The following MAGI2 variants were observed in gnomAD, a reference collection of about 807,000 sequenced individuals.
MAGI2 encodes the protein membrane-associated guanylate kinase, WW and PDZ domain-containing protein 2.
A neutral mutation model predicts 133.3 loss-of-function variants in MAGI2; 35 were observed. The ratio of observed to expected loss-of-function variants is 0.26; its 90% confidence interval spans 0.20 to 0.35. The LOEUF is 0.35. Ranked by LOEUF, MAGI2 falls within the 10% of genes least tolerant of loss-of-function variation. The pLI is 1.00. For synonymous variants in MAGI2, 729 were observed against 710.6 expected, an observed-to-expected ratio of 1.03 and a Z score of -0.41; for missense variants, 1,636 against 1,863.4, an observed-to-expected ratio of 0.88 and a Z score of 2.25.
chr7:78,084,929 G>A (rs1370804822), intron 20 of MAGI2, among the ~76,000 whole-genome samples: 2 of 152,206 alleles, frequency 1.3e-5, no homozygotes, highest in Middle Eastern at 3.4e-3. Flanking sequence ...TTTTCAAGGG[G>A]TTACACTGAA....
chr7:78,352,804 C>T (rs1259237934), intron 7 of MAGI2: 1 of 152,080 alleles, frequency 6.6e-6, no homozygotes, highest in Non-Finnish European at 1.5e-5. Flanking sequence ...GGTCGTAATG[C>T]TAGTTATTTA....
intron 2 of MAGI2, among the ~76,000 whole-genome samples, chr7:78,802,968 T>C (rs768531721): frequency 6.6e-6 from 1 of 151,406 alleles, no homozygotes; most frequent in Non-Finnish European, 1.5e-5. Context: ...TGATACTAGA[T>C]GCCTTGGAGT....
chr7:78,581,835 G>A (rs562885604), intron 3 of MAGI2, among the ~76,000 whole-genome samples: 1 of 152,194 alleles, frequency 6.6e-6, no homozygotes, highest in South Asian at 2.1e-4. Context: ...GTGTGATTGG[G>A]CAAAGGGAGT....
chr7:79,346,776 C>T (rs1173192160), intron 1 of MAGI2, among the ~76,000 whole-genome samples: 2 of 151,976 alleles, frequency 1.3e-5, no homozygotes, highest in East Asian at 3.9e-4. Flanking sequence ...TTTCCTCACA[C>T]CTTATCTGGT....
chr7:78,092,142 T>C lies in MAGI2; in HGVS notation c.3568-13057A>G, dbSNP rs551214987. Among the ~76,000 whole-genome samples, 21 of 152,308 alleles carry C rather than the reference T, an allele frequency of 1.4e-4. No individual in the cohort carries two copies. The South Asian group carries it at 4.4e-3, about 32-fold the overall frequency. On this transcript the variant is annotated intron_variant, in intron 20 of 21. Transcript: ENST00000354212. Reference sequence around the variant, plus strand: ...CAATTTTAACAGTGCACAAGGAGTATACCAAGTGAAAAAACTCATGTCTCT... The same window carrying C: ...CAATTTTAACAGTGCACAAGGAGTACACCAAGTGAAAAAACTCATGTCTCT...
intron 2 of MAGI2, among the ~76,000 whole-genome samples, chr7:78,647,360 A>G (rs749395829): frequency 1.8e-4 from 28 of 152,224 alleles, no homozygotes; most frequent in Admixed American, 1.2e-3. Flanking sequence ...TTCTCAAAAC[A>G]AGACTTTTAT....
intron 4 of MAGI2, among the ~76,000 whole-genome samples, chr7:78,519,714 C>G (rs1305367583): frequency 2.0e-5 from 3 of 152,212 alleles, no homozygotes; most frequent in East Asian, 3.9e-4. Context: ...GTCTGTGGAT[C>G]AAGAATACTT....
At chr7:78,946,275 T>C (rs1002860300) in intron 2 of MAGI2, among the ~76,000 whole-genome samples, 1 of 152,182 alleles carries the variant, frequency 6.6e-6, no homozygotes, top group African/African-American at 2.4e-5. Context: ...CAACTAAATA[T>C]ACTTCTTTCT....
In MAGI2 at chr7:78,507,998, G is replaced by A. The variant is rs545273553; in HGVS notation, c.755-6211C>T. ...TTGGCAGGGCCAGCTCCCTCTGGAG[G>A]CACTATGGAAGGATCTATTTCAGGC... On this transcript the variant is annotated intron_variant, in intron 4 of 21. Transcript: ENST00000354212. 6.6e-5 allele frequency among the ~76,000 whole-genome samples: 10 copies of A among 152,292 alleles called. 1 individual carries two copies. The South Asian group carries it at 2.1e-3, about 32-fold the overall frequency.
intron 2 of MAGI2, among the ~76,000 whole-genome samples, chr7:78,708,261 C>G (rs541035128): frequency 6.6e-6 from 1 of 152,212 alleles, no homozygotes; most frequent in East Asian, 1.9e-4. Flanking sequence ...AAAACCATTC[C>G]TAAAACTCAG....
intron 1 of MAGI2, among the ~76,000 whole-genome samples, chr7:79,400,379 A>G (rs1220574235): frequency 6.6e-6 from 1 of 152,102 alleles, no homozygotes; most frequent in African/African-American, 2.4e-5. Context: ...TAATCATTCT[A>G]TTTTTTTATC....
chr7:78,868,475 C>T (rs1794761891), intron 2 of MAGI2, among the ~76,000 whole-genome samples: 2 of 152,044 alleles, frequency 1.3e-5, no homozygotes, highest in South Asian at 4.2e-4. Flanking sequence ...TATCATGTCC[C>T]CCAAAGGCAA....
At chr7:79,385,287 G>A (rs2129145929) in intron 1 of MAGI2, among the ~76,000 whole-genome samples, 1 of 151,928 alleles carries the variant, frequency 6.6e-6, no homozygotes, top group Middle Eastern at 3.4e-3. Context: ...TTCTGAACCT[G>A]GAGTACTATT....
chr7:78,237,401 T>C (rs1310654975), intron 10 of MAGI2, among the ~76,000 whole-genome samples: 3 of 152,162 alleles, frequency 2.0e-5, no homozygotes, highest in African/African-American at 7.2e-5. Context: ...GTCCTGGTTC[T>C]TTTTGTATTA....
At chr7:78,395,513 C>G (rs995126699) in intron 6 of MAGI2, among the ~76,000 whole-genome samples, 2 of 152,160 alleles carry the variant, frequency 1.3e-5, no homozygotes, top group Non-Finnish European at 2.9e-5. Context: ...ATTTGAATAG[C>G]AGGCTGAGGG....
chr7:78,037,325 G>A (rs1183238894), intron 21 of MAGI2, among the ~76,000 whole-genome samples: 2 of 152,172 alleles, frequency 1.3e-5, no homozygotes, highest in African/African-American at 4.8e-5. Context: ...TGAGGATGCA[G>A]AAAACCTTTC....
chr7:78,765,883 A>G (rs943551415), intron 2 of MAGI2, among the ~76,000 whole-genome samples: 2 of 152,208 alleles, frequency 1.3e-5, no homozygotes, highest in Non-Finnish European at 2.9e-5. Context: ...GAGAGAGCCA[A>G]TTAAATGGCT....
rs869064064 is a variant in MAGI2, at chr7:79,135,938, CGAAA to C, written c.302-128736_302-128733del. Among the ~76,000 whole-genome samples the C allele has an allele frequency of 1.9e-3, 119 of 63,050 alleles. 2 individuals carry two copies. Among genetic ancestry groups the C allele is most frequent in the Middle Eastern group, 9.3e-3 (1 of 108 alleles). The allele number at this position is 63,050 out of a possible 152,430, so 41.4% of individuals were successfully genotyped here. ...CTTGAGTGACAGAGTAAAATCCTCT[CGAAA>C]GAAAGAAAGAAAGAAAGAAAGAAAG... On this transcript the variant is annotated intron_variant, in intron 1 of 21. Transcript: ENST00000354212.
At chr7:79,170,089 A>G (rs1245083934) in intron 1 of MAGI2, among the ~76,000 whole-genome samples, 1 of 150,040 alleles carries the variant, frequency 6.7e-6, no homozygotes, top group African/African-American at 2.5e-5. Context: ...CACCTTCAAA[A>G]TTATTCAAGA....
Sources: allele counts gnomAD v4.1 joint callset (sites outside exome capture counted in the v4.1 genomes callset), GRCh38; gene constraint gnomAD v4.1.1; transcripts MANE v1.5; gene names NCBI Gene and HGNC (gene_info 2026-07-23, HGNC 2026-07-21).